TARS3: variants seen among roughly 807,000 people sequenced by gnomAD.
The protein encoded by TARS3 is threonine--tRNA ligase 2, cytoplasmic.
A neutral mutation model predicts 103.5 loss-of-function variants in TARS3; 94 were observed. The observed-to-expected ratio is 0.91, with a 90% CI of 0.77 to 1.08. TARS3 has a LOEUF of 1.08. Among genes scored for constraint, TARS3 ranks in the 50% least tolerant of loss-of-function variants. The pLI, the probability that TARS3 is intolerant of heterozygous loss-of-function variation, is 0.00. For missense variants in TARS3, 952 were observed against 995.2 expected (o/e 0.96, Z 0.58); for synonymous variants, 416 against 355.4 (o/e 1.17, Z -1.92).
chr15:101,675,479 T>A (rs1334260300), intron 13 of TARS3, 121 bp downstream of exon 13: 1 of 894,530 alleles, frequency 1.1e-6, no homozygotes, highest in Non-Finnish European at 1.7e-6. Context: ...TATATCTATC[T>A]CATAATTTCC....
chr15:101,719,709 GC>G, intron 3 of TARS3, among the ~76,000 whole-genome samples: 1 of 152,176 alleles, frequency 6.6e-6, no homozygotes, highest in Admixed American at 6.5e-5. Context: ...CTGCAGGCAG[GC>G]CCATGCAAGG....
chr15:101,683,975 C>G (rs975612083), intron 12 of TARS3, 100 bp downstream of exon 12: 1 of 1,242,954 alleles, frequency 8.0e-7, no homozygotes, highest in East Asian at 2.6e-5. Context: ...GAGACTAGAC[C>G]AAACGTCTAT....
chr15:101,698,224 CG>C (rs1899078507), intron 10 of TARS3, among the ~76,000 whole-genome samples: 1 of 151,800 alleles, frequency 6.6e-6, no homozygotes, highest in East Asian at 1.9e-4. Context: ...CCCAGCTGCT[CG>C]GGAGGCTGAG....
intron 15 of TARS3, among the ~76,000 whole-genome samples, chr15:101,671,105 G>T (rs1298130236): frequency 6.6e-6 from 1 of 152,090 alleles, no homozygotes; most frequent in Admixed American, 6.5e-5. Context: ...TATTTTTAAA[G>T]AAGTTGTTGG....
chr15:101,670,100 C>G (rs1332163447), intron 15 of TARS3, among the ~76,000 whole-genome samples: 1 of 152,196 alleles, frequency 6.6e-6, no homozygotes, highest in East Asian at 1.9e-4. Context: ...ATGGCCTGTA[C>G]TTAGGCAGAG....
intron 4 of TARS3, among the ~76,000 whole-genome samples, chr15:101,712,779 ACTTT>A (rs763184396): frequency 4.6e-5 from 7 of 152,240 alleles, no homozygotes; most frequent in East Asian, 1.9e-4. Flanking sequence ...ATCTTTCAGC[ACTTT>A]CTTTCTTTTT....
intron 7 of TARS3, 79 bp from the exon 8 acceptor site, chr15:101,704,016 G>T: frequency 1.0e-6 from 1 of 1,002,900 alleles, no homozygotes; most frequent in Non-Finnish European, 1.5e-6. Context: ...AATATCCTAT[G>T]TTTTAGGTAG....
intron 10 of TARS3, among the ~76,000 whole-genome samples, chr15:101,687,397 C>T (rs1567337700): frequency 6.6e-6 from 1 of 151,798 alleles, no homozygotes. Context: ...AGCTAGACTC[C>T]ATCTCAAAAA....
At chr15:101,699,204 T>C (rs1182530323) in intron 10 of TARS3, 1 of 260,232 alleles carries the variant, frequency 3.8e-6, no homozygotes, top group East Asian at 1.2e-4. Flanking sequence ...TCCAAAAGGT[T>C]TTTTTCATGG....
At chr15:101,720,145 T>C (rs1900375282) in intron 3 of TARS3, among the ~76,000 whole-genome samples, 1 of 152,182 alleles carries the variant, frequency 6.6e-6, no homozygotes, top group Non-Finnish European at 1.5e-5. Context: ...TTTAACAATA[T>C]AATAGGATGA....
intron 8 of TARS3, among the ~76,000 whole-genome samples, chr15:101,702,967 A>C (rs1249600469): frequency 6.6e-6 from 1 of 152,204 alleles, no homozygotes; most frequent in African/African-American, 2.4e-5. Context: ...GCTAAGCAGC[A>C]ATCATAATCA....
chr15:101,657,149 T>C (rs1226101902), intron 17 of TARS3, 113 bp from the exon 18 acceptor site: 1 of 660,242 alleles, frequency 1.5e-6, no homozygotes, highest in Non-Finnish European at 2.6e-6. Flanking sequence ...CTGCTCACTA[T>C]ACCAGAGCGG....
chr15:101,664,395 T>G (rs1897498428), intron 15 of TARS3: 1 of 152,236 alleles, frequency 6.6e-6, no homozygotes, highest in South Asian at 2.1e-4. Flanking sequence ...ACGGAGAGAT[T>G]AGACTTTTCG....
At chr15:101,701,285 T>C (rs550343276) in intron 9 of TARS3, 101 bp from the exon 10 acceptor site, 6 of 655,160 alleles carry the variant, frequency 9.2e-6, no homozygotes, top group Non-Finnish European at 1.2e-5. Context: ...TCTCTAGTAA[T>C]AGACATTCCA....
At chr15:101,692,291 T>C (rs927192298) in intron 10 of TARS3, among the ~76,000 whole-genome samples, 4 of 151,184 alleles carry the variant, frequency 2.6e-5, no homozygotes, top group Non-Finnish European at 4.4e-5. Flanking sequence ...CTGTGGGTTC[T>C]GGTATTACTA....
intron 8 of TARS3, 100 bp downstream of exon 8, chr15:101,703,759 G>T: frequency 1.4e-6 from 1 of 721,014 alleles, no homozygotes; most frequent in Non-Finnish European, 2.4e-6. Flanking sequence ...ATATCATGAT[G>T]TTCAGACTAC....
intron 3 of TARS3, among the ~76,000 whole-genome samples, chr15:101,717,365 TATG>T (rs1441228580): frequency 6.6e-6 from 1 of 152,230 alleles, no homozygotes; most frequent in Non-Finnish European, 1.5e-5. Flanking sequence ...AATGTGTACA[TATG>T]ATAACAAGAA....
intron 3 of TARS3, among the ~76,000 whole-genome samples, chr15:101,715,368 G>A (rs12438823): frequency 2.6e-5 from 4 of 151,640 alleles, no homozygotes; most frequent in Non-Finnish European, 4.4e-5. Context: ...GGATGGTCTC[G>A]ATCTCCTGAC....
intron 3 of TARS3, among the ~76,000 whole-genome samples, chr15:101,719,706 C>A (rs766035247): frequency 2.0e-5 from 3 of 152,226 alleles, no homozygotes; most frequent in Admixed American, 6.5e-5. Flanking sequence ...TGACTGCAGG[C>A]AGGCCCATGC....
Sources: allele counts gnomAD v4.1 joint callset (sites outside exome capture counted in the v4.1 genomes callset), GRCh38; gene constraint gnomAD v4.1.1; transcripts MANE v1.5; gene names NCBI Gene and HGNC (gene_info 2026-07-23, HGNC 2026-07-21).